The following LTBP2 variants were observed in gnomAD, a reference collection of about 807,000 sequenced individuals.
The protein encoded by LTBP2 is latent-transforming growth factor beta-binding protein 2.
A neutral mutation model predicts 210.6 loss-of-function variants in LTBP2; 103 were observed. The ratio of observed to expected loss-of-function variants is 0.49; its 90% CI spans 0.42 to 0.58. The LOEUF is 0.58. LTBP2 is among the 20% of genes least tolerant of loss of function. The pLI is 0.00. For missense variants in LTBP2, 2,313 were observed against 2,494.5 expected, an observed-to-expected ratio of 0.93 and a Z score of 1.55; for synonymous variants, 1,007 against 1,015.0, an observed-to-expected ratio of 0.99 and a Z score of 0.15.
At position 74,542,180 on chromosome 14, in the gene LTBP2, G is replaced by T. The variant is rs570754897; in HGVS notation, c.1790-6180C>A. The stretch of plus-strand genomic sequence containing the variant: ...CAGGACAGATGTGGGGAACCTTCCT[G>T]GTAAGGACATCGGGACATATGGTCT... On this transcript the variant is annotated intron_variant, in intron 8 of 35. Coordinates refer to ENST00000261978, the MANE Select transcript of LTBP2 (RefSeq NM_000428.3). 1.5e-4 allele frequency among the ~76,000 whole-genome samples: 23 copies of T among 152,318 alleles called. No homozygotes were observed. In the South Asian group the frequency reaches 4.8e-3, roughly 32 times the overall value.
At chr14:74,516,705 A>G in intron 18 of LTBP2, 117 bp downstream of exon 18, 9 of 1,360,824 alleles carry the variant, frequency 6.6e-6, no homozygotes, top group Non-Finnish European at 1.0e-6. Flanking sequence ...ACGTGGGCTC[A>G]GCATCAAGGG....
intron 14 of LTBP2, 79 bp downstream of exon 14, chr14:74,525,996 C>T: frequency 6.9e-7 from 1 of 1,439,000 alleles, no homozygotes; most frequent in Non-Finnish European, 9.6e-7. Context: ...CCAGCTCACA[C>T]ATAGTAACTC....
At chr14:74,527,388 G>T (rs774855726) in intron 12 of LTBP2, 22 bp from the exon 13 acceptor site, 1 of 1,607,156 alleles carries the variant, frequency 6.2e-7, no homozygotes, top group Non-Finnish European at 8.5e-7. Flanking sequence ...AGGTAACAGC[G>T]TGAGCTCAGG....
At chr14:74,584,862 C>T (rs1171454263) in intron 3 of LTBP2, among the ~76,000 whole-genome samples, 1 of 152,132 alleles carries the variant, frequency 6.6e-6, no homozygotes, top group East Asian at 1.9e-4. Flanking sequence ...TTTGCTCTCC[C>T]TCCAACTCAG....
Position 74,498,676 on chromosome 14 carries a change from C to T in LTBP2, c.*2208G>A, listed in dbSNP as rs922221673. ...GTGGGGGCAGTGGGAACAGCAGTTA[C>T]GAAGGTGTAGTGCCAGCAGGATATA... On this transcript the variant is annotated 3_prime_UTR_variant, in exon 36 of 36. Coordinates refer to ENST00000261978, the MANE Select transcript of LTBP2 (RefSeq NM_000428.3). 4 of 232,046 alleles carry T rather than the reference C, an allele frequency of 1.7e-5. No homozygotes were observed. The highest frequency in any genetic ancestry group is 1.2e-3 in the Middle Eastern group (1 of 808). 14.4% of individuals were successfully genotyped at this position (232,046 alleles called of 1,614,324 possible). A position where few individuals can be genotyped will look rare whatever the true frequency, so the allele number is the denominator to read the frequency against.
In LTBP2 at chr14:74,532,567, TGACC is replaced by T. The variant is rs1443191018; in HGVS notation, c.1865-23_1865-20del. On this transcript the variant is annotated intron_variant, in intron 9 of 35. Transcript: ENST00000261978. ...TTGATATCTGCAGGGTTGGAGGAGATGACCAAGTGCCCGCCCCACGGAGGCCTGA... is the reference window on the plus strand; with the variant it reads ...TTGATATCTGCAGGGTTGGAGGAGATAAGTGCCCGCCCCACGGAGGCCTGA... 1.4e-5 allele frequency: 23 copies of T among 1,613,612 alleles called. No homozygotes were observed. The highest frequency in any genetic ancestry group is 1.9e-5 in the Non-Finnish European group (23 of 1,179,852).
chr14:74,561,397 T>C (rs2087792240), intron 3 of LTBP2, among the ~76,000 whole-genome samples: 1 of 152,214 alleles, frequency 6.6e-6, no homozygotes, highest in Admixed American at 6.5e-5. Context: ...CATCATCTTA[T>C]CTATGTTATT....
At chr14:74,508,238 G>C (rs1276535327) in intron 24 of LTBP2, 143 bp from the exon 25 acceptor site, 7 of 1,061,392 alleles carry the variant, frequency 6.6e-6, no homozygotes, top group Non-Finnish European at 9.7e-6. Flanking sequence ...CCAGAGGCCA[G>C]GCTGTGGGAG....
intron 10 of LTBP2, among the ~76,000 whole-genome samples, chr14:74,530,820 G>A (rs1225018874): frequency 3.3e-5 from 5 of 152,230 alleles, no homozygotes; most frequent in African/African-American, 4.8e-5. Context: ...CAGCCCCAGC[G>A]AATTCTTTTT....
At position 74,500,712 on chromosome 14, in the gene LTBP2, A is replaced by G. The variant is rs1202148834; in HGVS notation, c.*172T>C. 4 of 836,750 alleles carry G rather than the reference A, an allele frequency of 4.8e-6. No individual in the cohort carries two copies. The highest frequency in any genetic ancestry group is 2.0e-5 in the Admixed American group (1 of 51,070). 51.8% of individuals were successfully genotyped at this position (836,750 alleles called of 1,614,324 possible). ...TGAGCCAAGCAAGGGCATGGAGGCA[A>G]TGACCGAAGCTTACAGCCAGAGGCT... is the stretch of plus-strand genomic sequence containing the variant. On this transcript the variant is annotated 3_prime_UTR_variant, in exon 36 of 36. Transcript: ENST00000261978.
chr14:74,522,746 T>C lies in LTBP2; in HGVS notation c.2659+44A>G, dbSNP rs769476973. ...CTCGGCCTCTTAGCCCCTGCTCCCA[T>C]CTACCCCAGCCGCCAAGTAAGCCCA... On this transcript the variant is annotated intron_variant, in intron 16 of 35. Transcript: ENST00000261978. 3.7e-5 allele frequency: 58 copies of C among 1,586,580 alleles called. 1 individual carries two copies. The highest frequency in any genetic ancestry group is 4.6e-5 in the Non-Finnish European group (54 of 1,165,328).
intron 3 of LTBP2, among the ~76,000 whole-genome samples, chr14:74,565,294 A>T (rs1267149412): frequency 6.6e-6 from 1 of 152,140 alleles, no homozygotes; most frequent in East Asian, 1.9e-4. Flanking sequence ...TGTTAGCCTC[A>T]AGTCACTCGT....
intron 2 of LTBP2, among the ~76,000 whole-genome samples, chr14:74,590,781 CTAG>C: frequency 2.3e-3 from 1 of 436 alleles, no homozygotes; most frequent in East Asian, 0.083. Flanking sequence ...GGGAGCTAAG[CTAG>C]CTAAGCTATG....
At chr14:74,564,355 T>TTTA (rs1566641208) in intron 3 of LTBP2, among the ~76,000 whole-genome samples, 11 of 6,724 alleles carry the variant, frequency 1.6e-3, no homozygotes, top group Non-Finnish European at 3.0e-3. Context: ...TTATATATAT[T>TTTA]TATATATATA....
chr14:74,525,260 G>T, intron 14 of LTBP2, 35 bp from the exon 15 acceptor site: 1 of 1,219,772 alleles, frequency 8.2e-7, no homozygotes, highest in Non-Finnish European at 1.1e-6. Context: ...TGGGGTTGTG[G>T]CCCCTTGGCT....
intron 3 of LTBP2, among the ~76,000 whole-genome samples, chr14:74,561,981 G>A (rs1170056746): frequency 3.9e-5 from 6 of 152,182 alleles, no homozygotes; most frequent in African/African-American, 7.2e-5. Context: ...AGGCCGAGGC[G>A]GATGGATCAC....
chr14:74,520,801 A>AAATGAATG (rs36111387), intron 17 of LTBP2, among the ~76,000 whole-genome samples: 1 of 150,052 alleles, frequency 6.7e-6, no homozygotes, highest in Non-Finnish European at 1.5e-5. Context: ...ACTCCATCAT[A>AAATGAATG]AATGAATGAA....
At chr14:74,515,252 A>ACTT (rs2087120168) in intron 18 of LTBP2, among the ~76,000 whole-genome samples, 1 of 125,474 alleles carries the variant, frequency 8.0e-6, no homozygotes, top group African/African-American at 3.1e-5. Context: ...TATAAATCTG[A>ACTT]TTTTTTTTTT....
intron 3 of LTBP2, among the ~76,000 whole-genome samples, chr14:74,580,149 G>A (rs1191430155): frequency 6.6e-6 from 1 of 152,166 alleles, no homozygotes; most frequent in Non-Finnish European, 1.5e-5. Context: ...GGGAGGATGT[G>A]GAGGGCATGG....
Sources: gnomAD v4.1 joint callset for allele counts (sites outside exome capture counted in the v4.1 genomes callset) on GRCh38, gnomAD v4.1.1 for gene constraint, MANE v1.5 for transcripts, NCBI Gene and HGNC (gene_info 2026-07-23, HGNC 2026-07-21) for gene names.